Variants in CDH8 observed in about 807,000 individuals in gnomAD.
CDH8 encodes cadherin-8.
In CDH8, 17 loss-of-function variants were observed where a neutral mutation model predicts 68.1. That is an observed-to-expected ratio of 0.25 (90% CI 0.17 to 0.37). The LOEUF is 0.37. Among genes scored for constraint, CDH8 ranks in the 10% least tolerant of loss-of-function variants. The pLI, the probability that CDH8 is intolerant of heterozygous loss-of-function variation, is 1.00. For missense variants in CDH8, 763 were observed against 999.3 expected (o/e 0.76, Z 3.19); for synonymous variants, 372 against 365.1 (o/e 1.02, Z -0.21).
rs536165809 is a variant in CDH8, at chr16:61,688,502, G to T, written c.1654+25339C>A. ...TGCTTCCTTTTTCGTGTAGTGTGGG[G>T]TGTTGAGTATTTGGAAGAAATGAAA... On this transcript the variant is annotated intron_variant, in intron 10 of 11. Transcript: ENST00000577390. Among the ~76,000 whole-genome samples the T allele has an allele frequency of 2.0e-5, 3 of 151,992 alleles. No individual in the cohort carries two copies. In the South Asian group the frequency reaches 6.2e-4, roughly 32 times the overall value.
At chr16:61,981,597 G>T (rs1965529774) in intron 2 of CDH8, among the ~76,000 whole-genome samples, 1 of 151,766 alleles carries the variant, frequency 6.6e-6, no homozygotes, top group Non-Finnish European at 1.5e-5. Context: ...TACCAGGGAG[G>T]CAGAAAAGTC....
intron 2 of CDH8, among the ~76,000 whole-genome samples, chr16:61,930,215 T>G (rs1439319261): frequency 6.6e-6 from 1 of 151,706 alleles, no homozygotes; most frequent in Non-Finnish European, 1.5e-5. Context: ...GGTAAAAATT[T>G]TATTAATAGA....
chr16:61,800,913 T>A (rs554019646), intron 7 of CDH8, among the ~76,000 whole-genome samples: 2 of 152,270 alleles, frequency 1.3e-5, no homozygotes, highest in South Asian at 2.1e-4. Context: ...ATGACTCCCA[T>A]AAATATTTGA....
chr16:61,801,398 A>G (rs1038527705), intron 7 of CDH8, among the ~76,000 whole-genome samples: 1 of 152,170 alleles, frequency 6.6e-6, no homozygotes, highest in African/African-American at 2.4e-5. Flanking sequence ...TCTATCCAAT[A>G]TGGTAACCAC....
At chr16:61,862,135 T>TCACACACACACA (rs3069990) in intron 3 of CDH8, among the ~76,000 whole-genome samples, 1 of 146,328 alleles carries the variant, frequency 6.8e-6, no homozygotes, top group East Asian at 2.0e-4. Context: ...CAAACACCAC[T>TCACACACACACA]CACACACACA....
chr16:62,033,827 A>G (rs1398840240), intron 1 of CDH8, among the ~76,000 whole-genome samples: 1 of 151,444 alleles, frequency 6.6e-6, no homozygotes, highest in Non-Finnish European at 1.5e-5. Context: ...CTCTGTTTTC[A>G]GAGGGATTTT....
intron 7 of CDH8, among the ~76,000 whole-genome samples, chr16:61,794,073 A>T (rs1961444245): frequency 6.6e-6 from 1 of 152,104 alleles, no homozygotes; most frequent in African/African-American, 2.4e-5. Flanking sequence ...ATTGAATAAG[A>T]TGGTAAGAAT....
chr16:61,960,944 A>T (rs2150571414), intron 2 of CDH8, among the ~76,000 whole-genome samples: 1 of 152,330 alleles, frequency 6.6e-6, no homozygotes, highest in African/African-American at 2.4e-5. Context: ...GTAGCATCTC[A>T]GATGGGCTCC....
intron 7 of CDH8, among the ~76,000 whole-genome samples, chr16:61,789,901 A>G (rs1372433129): frequency 6.6e-6 from 1 of 152,038 alleles, no homozygotes; most frequent in Non-Finnish European, 1.5e-5. Flanking sequence ...CAAATAAAAC[A>G]TGTATTTTGT....
intron 2 of CDH8, among the ~76,000 whole-genome samples, chr16:61,987,301 C>A: frequency 6.6e-6 from 1 of 152,130 alleles, no homozygotes; most frequent in East Asian, 1.9e-4. Context: ...GTCAGGAGTT[C>A]GAGACCAGCC....
At chr16:61,998,745 A>G (rs1807851817) in intron 2 of CDH8, among the ~76,000 whole-genome samples, 1 of 152,240 alleles carries the variant, frequency 6.6e-6, no homozygotes, top group East Asian at 1.9e-4. Flanking sequence ...CTTGTCAACT[A>G]GAAAAGATAT....
At chr16:61,796,737 T>C (rs1961510924) in intron 7 of CDH8, among the ~76,000 whole-genome samples, 1 of 152,048 alleles carries the variant, frequency 6.6e-6, no homozygotes, top group Admixed American at 6.6e-5. Context: ...CTTTGCGGAA[T>C]TAAGGATACA....
At chr16:61,683,218 A>G (rs1964044675) in intron 10 of CDH8, among the ~76,000 whole-genome samples, 1 of 151,958 alleles carries the variant, frequency 6.6e-6, no homozygotes, top group Non-Finnish European at 1.5e-5. Context: ...AAAATTTTCA[A>G]CCTCCTTGAG....
chr16:61,962,916 C>A (rs1341008782), intron 2 of CDH8, among the ~76,000 whole-genome samples: 1 of 151,890 alleles, frequency 6.6e-6, no homozygotes, highest in Non-Finnish European at 1.5e-5. Flanking sequence ...ATCTTTTGAT[C>A]TTTTTTTCAT....
chr16:61,941,477 T>C (rs966419912), intron 2 of CDH8, among the ~76,000 whole-genome samples: 5 of 152,216 alleles, frequency 3.3e-5, no homozygotes, highest in African/African-American at 1.2e-4. Flanking sequence ...AGTTTCACTC[T>C]TCACTCTTGT....
chr16:61,710,638 C>T (rs918360997), intron 10 of CDH8: 1 of 151,940 alleles, frequency 6.6e-6, no homozygotes, highest in Non-Finnish European at 1.5e-5. Context: ...CCTTAGAGAG[C>T]AGAGATTTGT....
intron 8 of CDH8, among the ~76,000 whole-genome samples, chr16:61,767,606 A>C (rs748511555): frequency 4.0e-5 from 6 of 151,870 alleles, no homozygotes; most frequent in Non-Finnish European, 1.5e-5. Flanking sequence ...TCTGGCAAGG[A>C]CCCTCATTCA....
chr16:61,924,675 TTC>T (rs148709554), intron 2 of CDH8, among the ~76,000 whole-genome samples: 5,760 of 152,180 alleles, frequency 0.038, 357 homozygotes, highest in African/African-American at 0.13. Context: ...GAATATTAGT[TTC>T]TGTTTTTTTT....
At chr16:61,666,116 T>A (rs1343277843) in intron 10 of CDH8, among the ~76,000 whole-genome samples, 1 of 151,764 alleles carries the variant, frequency 6.6e-6, no homozygotes, top group Admixed American at 6.6e-5. Flanking sequence ...CTGTATGTAC[T>A]CCCTGCCCTT....
Sources: gnomAD v4.1 joint callset for allele counts (sites outside exome capture counted in the v4.1 genomes callset) on GRCh38, gnomAD v4.1.1 for gene constraint, MANE v1.5 for transcripts, NCBI Gene and HGNC (gene_info 2026-07-23, HGNC 2026-07-21) for gene names.